The following MEP1A variants were observed in gnomAD, a reference collection of about 807,000 sequenced individuals.
MEP1A encodes meprin A subunit alpha.
Under a neutral mutation model 84.5 loss-of-function variants are expected in MEP1A, and 68 were observed. The ratio of observed to expected loss-of-function variants is 0.80; its 90% confidence interval spans 0.66 to 0.98. MEP1A has a LOEUF of 0.98. Among genes scored for constraint, MEP1A ranks in the 50% least tolerant of loss-of-function variants. MEP1A has a pLI of 0.00. For missense variants in MEP1A, 887 were observed against 919.9 expected, an observed-to-expected ratio of 0.96 and a Z score of 0.46; for synonymous variants, 337 against 336.8, an observed-to-expected ratio of 1.00 and a Z score of -0.01.
chr6:46,822,506 A>T (rs572593491), intron 7 of MEP1A, among the ~76,000 whole-genome samples: 66 of 152,178 alleles, frequency 4.3e-4, no homozygotes, highest in Non-Finnish European at 9.1e-4. Context: ...AGAATCCATG[A>T]GTAACACAGA....
In MEP1A at chr6:46,833,077, A is replaced by G. The variant is rs368091514; in HGVS notation, c.1148A>G (p.Asp383Gly). 51 of 1,514,682 alleles carry G rather than the reference A, an allele frequency of 3.4e-5. No individual in the cohort carries two copies. The highest frequency in any genetic ancestry group is 5.6e-5 in the African/African-American group (4 of 71,602). 93.8% of individuals were successfully genotyped at this position (1,514,682 alleles called of 1,614,324 possible). ...KLVKVQTFQGDDDHNWKIAHV... is the reference protein window; with the variant it reads ...KLVKVQTFQGGDDHNWKIAHV... The stretch of plus-strand genomic sequence containing the variant: ...CAGCCTTGTTCTCTGTCCTCAGGAG[A>G]TGATGACCACAATTGGAAAATTGCC... Residue 383 changes from aspartate (D) to glycine (G), a missense_variant, in exon 11 of 14, where the codon GAT becomes GGT. Coordinates refer to ENST00000230588, the MANE Select transcript of MEP1A (RefSeq NM_005588.3).
chr6:46,807,439 C>T lies in MEP1A; in HGVS notation c.263-1981C>T, dbSNP rs140166385. On this transcript the variant is annotated intron_variant, in intron 5 of 13. Coordinates refer to ENST00000230588, the MANE Select transcript of MEP1A (RefSeq NM_005588.3). ...CTATAATCTCAGCACTTTGGGAAGC[C>T]GAGGCAGGAAGATCACTTGAGCCTA... Among the ~76,000 whole-genome samples the T allele has an allele frequency of 8.6e-3, 1,291 of 149,432 alleles. 12 individuals carry two copies. Among genetic ancestry groups the T allele is most frequent in the Non-Finnish European group, 0.013 (861 of 67,450 alleles).
chr6:46,813,342 T>C (rs1767551548), intron 6 of MEP1A, among the ~76,000 whole-genome samples: 1 of 152,132 alleles, frequency 6.6e-6, no homozygotes, highest in South Asian at 2.1e-4. Context: ...ATGATAATAG[T>C]GACACAACCT....
chr6:46,824,677 TA>T (rs1303571003), intron 7 of MEP1A, among the ~76,000 whole-genome samples: 1 of 131,138 alleles, frequency 7.6e-6, no homozygotes, highest in Admixed American at 7.8e-5. Flanking sequence ...TAAATAGATG[TA>T]TTTAAATATA....
At chr6:46,822,983 C>G (rs1436047170) in intron 7 of MEP1A, among the ~76,000 whole-genome samples, 1 of 152,138 alleles carries the variant, frequency 6.6e-6, no homozygotes, top group East Asian at 1.9e-4. Context: ...CAAATGACAT[C>G]CTAGGACCAA....
chr6:46,830,115 G>A (rs189528670), intron 10 of MEP1A, among the ~76,000 whole-genome samples: 126 of 151,744 alleles, frequency 8.3e-4, no homozygotes, highest in African/African-American at 2.9e-3. Flanking sequence ...GGGCATGGTG[G>A]CGCGCGCGCA....
chr6:46,833,978 ATT>A (rs35322377), intron 11 of MEP1A, among the ~76,000 whole-genome samples: 177 of 141,630 alleles, frequency 1.2e-3, no homozygotes, highest in Admixed American at 1.9e-3. Flanking sequence ...TGGGCAAACT[ATT>A]TTTTTTTTTT....
At chr6:46,818,829 A>C (rs776103742) in intron 6 of MEP1A, among the ~76,000 whole-genome samples, 4 of 152,182 alleles carry the variant, frequency 2.6e-5, no homozygotes, top group Non-Finnish European at 5.9e-5. Flanking sequence ...TTGAAAATTT[A>C]TTAAAGTATA....
intron 4 of MEP1A, among the ~76,000 whole-genome samples, 153 bp downstream of exon 4, chr6:46,798,799 G>A (rs1767125755): frequency 6.6e-6 from 1 of 152,192 alleles, no homozygotes; most frequent in South Asian, 2.1e-4. Context: ...TTCCACTGTA[G>A]TTCCTAAGGA....
At chr6:46,840,914 C>T (rs1020078274), downstream of MEP1A, among the ~76,000 whole-genome samples, 23 of 152,320 alleles carry the variant, frequency 1.5e-4, no homozygotes, top group Admixed American at 5.9e-4. Context: ...CCTCCACTAA[C>T]CTCAGAGTTA....
chr6:46,819,711 T>C lies in MEP1A; in HGVS notation c.556+7T>C, dbSNP rs1767724176. The C allele has an allele frequency of 6.2e-7, 1 of 1,612,388 alleles. No individual in the cohort carries two copies. The highest frequency in any genetic ancestry group is 1.3e-5 in the African/African-American group (1 of 75,012). On this transcript the variant is annotated splice_region_variant and intron_variant, in intron 7 of 13. Transcript: ENST00000230588. Reference sequence around the variant, plus strand: ...TGGGACCAAATTCTTTCAGGTGTGATTGGGCGGAGATTGCTATCACATTTA... The same window carrying C: ...TGGGACCAAATTCTTTCAGGTGTGACTGGGCGGAGATTGCTATCACATTTA...
intron 7 of MEP1A, among the ~76,000 whole-genome samples, chr6:46,820,588 A>T (rs139328929): frequency 2.6e-5 from 4 of 152,122 alleles, no homozygotes; most frequent in African/African-American, 7.2e-5. Flanking sequence ...GGATTTCATC[A>T]TGTTGGTTAG....
Position 46,834,691 on chromosome 6 carries a change from A to C in MEP1A, c.1723A>C (p.Met575Leu), listed in dbSNP as rs139350018. 1.7e-5 allele frequency: 27 copies of C among 1,611,594 alleles called. No homozygotes were observed. The highest frequency in any genetic ancestry group is 9.9e-5 in the South Asian group (9 of 90,982). ...LGWSGFISHQ[M>L]LKRRSFLKND... ...CTGGAGTGGTTTCATTTCCCACCAA[A>C]TGCTGAAAAGGAGGAGTTTCCTGAA... Residue 575 changes from methionine to leucine, a missense_variant, in exon 12 of 14, where the codon ATG (methionine) becomes CTG (leucine). Physicochemically the swap from Met to Leu is conservative, Grantham distance 15. Coordinates refer to ENST00000230588, the MANE Select transcript of MEP1A (RefSeq NM_005588.3).
intron 7 of MEP1A, among the ~76,000 whole-genome samples, chr6:46,824,887 TATAAATTATATA>T (rs1233547412): frequency 4.9e-4 from 30 of 60,826 alleles, no homozygotes; most frequent in African/African-American, 3.9e-3. Flanking sequence ...TTTAAATATA[TATAAATTATATA>T]TATAAATTAT....
chr6:46,822,882 CATCCAGTGAGT>C (rs1767815004), intron 7 of MEP1A, among the ~76,000 whole-genome samples: 1 of 152,140 alleles, frequency 6.6e-6, no homozygotes, highest in African/African-American at 2.4e-5. Context: ...AAGTAAAGCA[CATCCAGTGAGT>C]TGAAAGTGCT....
At chr6:46,797,522 C>T (rs1230951312) in intron 3 of MEP1A, among the ~76,000 whole-genome samples, 1 of 152,168 alleles carries the variant, frequency 6.6e-6, no homozygotes, top group Non-Finnish European at 1.5e-5. Flanking sequence ...TCCATATTCC[C>T]CTGGTCTTCC....
At chr6:46,845,462 C>T in the MEP1A span, among the ~76,000 whole-genome samples, 152 of 152,328 alleles carry the variant, frequency 1.0e-3, no homozygotes, top group African/African-American at 3.4e-3. Flanking sequence ...AAATAAACTT[C>T]TACTTTAAGT....
intron 5 of MEP1A, among the ~76,000 whole-genome samples, chr6:46,807,316 T>C (rs1767347717): frequency 6.6e-6 from 1 of 151,660 alleles, no homozygotes; most frequent in African/African-American, 2.4e-5. Context: ...GAACAAGAGT[T>C]ACAATGAGAC....
intron 10 of MEP1A, among the ~76,000 whole-genome samples, chr6:46,829,840 A>T (rs1768039869): frequency 6.6e-6 from 1 of 152,168 alleles, no homozygotes; most frequent in African/African-American, 2.4e-5. Context: ...CAGAATATAC[A>T]AATCCAGTTT....
Sources: allele counts gnomAD v4.1 joint callset (sites outside exome capture counted in the v4.1 genomes callset), GRCh38; gene constraint gnomAD v4.1.1; transcripts MANE v1.5; gene names NCBI Gene and HGNC (gene_info 2026-07-23, HGNC 2026-07-21).